ZNF717: variants seen among roughly 807,000 people sequenced by gnomAD.
The protein encoded by ZNF717 is zinc finger protein 717.
In ZNF717, 9 loss-of-function variants were observed where a neutral mutation model predicts 13.8. The ratio of observed to expected loss-of-function variants is 0.65; its 90% confidence interval spans 0.39 to 1.14. The LOEUF (loss-of-function observed/expected upper bound fraction) is 1.14, where lower values mean the gene tolerates loss of function less well. ZNF717 is among the 50% of genes most tolerant of loss of function. The pLI, the probability that ZNF717 is intolerant of heterozygous loss-of-function variation, is 0.01. For synonymous variants in ZNF717, 327 were observed against 364.1 expected (o/e 0.90, Z 1.16); for missense variants, 1,040 against 1,080.7 (o/e 0.96, Z 0.53).
downstream of ZNF717, among the ~76,000 whole-genome samples, chr3:75,726,804 G>A (rs76132625): frequency 7.2e-5 from 11 of 152,354 alleles, no homozygotes; most frequent in South Asian, 4.1e-4. Flanking sequence ...CTCAGTATCC[G>A]TGGGAAATCA....
At chr3:75,776,248 T>C (rs575487663) in intron 2 of ZNF717, among the ~76,000 whole-genome samples, 2 of 152,408 alleles carry the variant, frequency 1.3e-5, no homozygotes, top group East Asian at 1.9e-4. Flanking sequence ...AAATTAAATA[T>C]ATTGGTGTGG....
chr3:75,719,643 G>C (rs1423647192), intron 4 of ZNF717, among the ~76,000 whole-genome samples: 9 of 152,098 alleles, frequency 5.9e-5, no homozygotes, highest in Non-Finnish European at 1.3e-4. Flanking sequence ...GTATTAATGA[G>C]GAGTACAAAA....
chr3:75,760,867 T>C (rs1259853811), intron 2 of ZNF717, among the ~76,000 whole-genome samples: 2 of 151,880 alleles, frequency 1.3e-5, no homozygotes, highest in Non-Finnish European at 2.9e-5. Context: ...AGTTTGTTTT[T>C]TTAAAGATCA....
At chr3:75,774,810 G>A (rs1211276381) in intron 2 of ZNF717, among the ~76,000 whole-genome samples, 9 of 151,702 alleles carry the variant, frequency 5.9e-5, no homozygotes, top group South Asian at 2.1e-4. Context: ...TAGTAGAGAC[G>A]GGGTTTCGCC....
At position 75,785,507 on chromosome 3, in the gene ZNF717, C is replaced by G. The variant is rs988186997; in HGVS notation, c.-126G>C. 3.3e-5 allele frequency: 5 copies of G among 152,448 alleles called. No homozygotes were observed. Among genetic ancestry groups the G allele is most frequent in the African/African-American group, 1.2e-4 (5 of 41,484 alleles). 9.4% of individuals were successfully genotyped at this position (152,448 alleles called of 1,614,324 possible). On this transcript the variant is annotated 5_prime_UTR_variant, in exon 1 of 5. Transcript: ENST00000652011. ...GTTCCTCTTCGCCCTCGCACCGACC[C>G]GCAGGGACATAGAACCAAGCCCCAG...
rs1282335742 is a variant in ZNF717 at position 75,739,145 on chromosome 3, T to TAAG, written c.477_478insCTT (p.Phe159_Asn160insLeu). The TAAG allele has an allele frequency of 6.4e-6, 10 of 1,550,708 alleles. No homozygotes were observed. The highest frequency in any genetic ancestry group is 8.7e-6 in the Non-Finnish European group (10 of 1,146,436). On this transcript the variant is annotated inframe_insertion, in exon 5 of 5. Coordinates refer to ENST00000652011, the MANE Select transcript of ZNF717 (RefSeq NM_001290208.3). Reference sequence around the variant, plus strand: ...GGGAAAAGCATGTTCTGGCAATCATTAAACTGCCCAGGCTTCATTCCTGAA... The same window carrying TAAG: ...GGGAAAAGCATGTTCTGGCAATCATTAAGAAACTGCCCAGGCTTCATTCCTGAA...
chr3:75,700,175 T>G (rs1421405014), intron 6 of ZNF717, among the ~76,000 whole-genome samples: 1 of 152,310 alleles, frequency 6.6e-6, no homozygotes, highest in Non-Finnish European at 1.5e-5. Context: ...GGGTGAATTA[T>G]GAGGTCAGGA....
chr3:75,751,587 T>C (rs796131746), intron 2 of ZNF717, among the ~76,000 whole-genome samples: 7 of 133,870 alleles, frequency 5.2e-5, no homozygotes, highest in African/African-American at 1.7e-4. Flanking sequence ...AACACGCCTG[T>C]TGTGGTCTGA....
chr3:75,771,154 T>A (rs1205088977), intron 2 of ZNF717, among the ~76,000 whole-genome samples: 1 of 152,218 alleles, frequency 6.6e-6, no homozygotes, highest in African/African-American at 2.4e-5. Context: ...GCCAAACTTC[T>A]GCCACTCACA....
At chr3:75,716,351 A>C (rs1938052335) in intron 5 of ZNF717, 1 of 152,124 alleles carries the variant, frequency 6.6e-6, no homozygotes, top group Non-Finnish European at 1.5e-5. Flanking sequence ...TCACAGACAG[A>C]ATGTAAAATC....
downstream of ZNF717, among the ~76,000 whole-genome samples, chr3:75,734,811 ATATATATTTTTTTT>A (rs1379856488): frequency 2.6e-4 from 5 of 19,276 alleles, no homozygotes; most frequent in African/African-American, 8.5e-4. Flanking sequence ...ATATATATAT[ATATATATTTTTTTT>A]TTTTTTTTTT....
At chr3:75,739,525 T>C (rs1463091330) in intron 4 of ZNF717, among the ~76,000 whole-genome samples, 180 bp from the exon 5 acceptor site, 6 of 152,220 alleles carry the variant, frequency 3.9e-5, no homozygotes, top group African/African-American at 1.4e-4. Context: ...AATAAATCAG[T>C]ATATTTTCTA....
Position 75,741,728 on chromosome 3 carries a change from C to A in ZNF717, c.66G>T (p.Val22=). The A allele has an allele frequency of 7.5e-7, 1 of 1,330,198 alleles. No individual in the cohort carries two copies. Among genetic ancestry groups the A allele is most frequent in the Non-Finnish European group, 9.9e-7 (1 of 1,012,392 alleles). 82.4% of individuals were successfully genotyped at this position (1,330,198 alleles called of 1,614,324 possible). The change falls in exon 3 of 5, where the codon GTG becomes GTT. Residue 22 remains valine (V), a synonymous_variant. Transcript: ENST00000652011. ...LQEKNKSLEL[V]SFEEVAVHFT... ...AGTGCACAGCTACCTCCTCAAAGGA[C>A]ACCAACTCCTGTAATGATACCAGGC...
chr3:75,743,295 A>G (rs1324289309), intron 2 of ZNF717, among the ~76,000 whole-genome samples: 1 of 152,230 alleles, frequency 6.6e-6, no homozygotes, highest in Non-Finnish European at 1.5e-5. Flanking sequence ...ATGACAAGAA[A>G]AATTTCTGCA....
chr3:75,725,559 T>G (rs1256172764), downstream of ZNF717, among the ~76,000 whole-genome samples: 3 of 152,034 alleles, frequency 2.0e-5, no homozygotes, highest in Admixed American at 1.3e-4. Flanking sequence ...ATTCTCATGC[T>G]GCTAATATGG....
intron 2 of ZNF717, among the ~76,000 whole-genome samples, chr3:75,776,374 A>C (rs1944321713): frequency 6.6e-6 from 1 of 152,282 alleles, no homozygotes. Flanking sequence ...CCATTTAAAC[A>C]TTTTATAAAG....
chr3:75,770,887 G>C (rs553201448), intron 2 of ZNF717, among the ~76,000 whole-genome samples: 1 of 152,304 alleles, frequency 6.6e-6, no homozygotes, highest in African/African-American at 2.4e-5. Flanking sequence ...GAGAACTGCA[G>C]GGCGGGATGA....
intron 6 of ZNF717, among the ~76,000 whole-genome samples, chr3:75,696,292 T>C (rs1348896566): frequency 5.7e-4 from 87 of 152,054 alleles, no homozygotes; most frequent in African/African-American, 2.1e-3. Context: ...CCAATAACAA[T>C]TAACAAAATT....
At chr3:75,757,712 C>A (rs1194088196) in intron 2 of ZNF717, among the ~76,000 whole-genome samples, 1 of 152,080 alleles carries the variant, frequency 6.6e-6, no homozygotes, top group Non-Finnish European at 1.5e-5. Flanking sequence ...AAAGTGATTC[C>A]TTTGATGGAT....
Sources: allele counts gnomAD v4.1 joint callset (sites outside exome capture counted in the v4.1 genomes callset), GRCh38; gene constraint gnomAD v4.1.1; transcripts MANE v1.5; gene names NCBI Gene and HGNC (gene_info 2026-07-23, HGNC 2026-07-21).